The following RCN2 variants were observed in gnomAD, a reference collection of about 807,000 sequenced individuals.
RCN2 encodes the protein reticulocalbin 2.
RCN2 carries 23 observed loss-of-function variants against 37.5 expected under a neutral mutation model. The observed-to-expected ratio is 0.61, with a 90% CI of 0.44 to 0.87. The LOEUF is 0.87. Ranked by LOEUF, RCN2 falls within the 40% of genes least tolerant of loss-of-function variation. The probability of loss-of-function intolerance (pLI) is 0.00; values close to 1 mark genes in which losing one functional copy is unlikely to be tolerated. For missense variants in RCN2, 381 were observed against 390.4 expected (o/e 0.98, Z 0.20); for synonymous variants, 140 against 144.6 (o/e 0.97, Z 0.23).
At position 76,935,587 on chromosome 15, in the gene RCN2, A is replaced by G. The variant is rs1287904205; in HGVS notation, c.312A>G (p.Gln104=). Reference sequence around the variant, plus strand: ...ATTATGCTATGCAAGAAGCAAAACAACAGTTTGTTGAATATGATAAAAACA... The same window carrying G: ...ATTATGCTATGCAAGAAGCAAAACAGCAGTTTGTTGAATATGATAAAAACA... The part of the protein sequence containing the change: ...FKHYAMQEAK[Q]QFVEYDKNSD... The change falls in exon 3 of 7, where the codon CAA becomes CAG. Residue 104 remains glutamine (Q), a synonymous_variant. Coordinates refer to ENST00000394885, the MANE Select transcript of RCN2 (RefSeq NM_002902.3). 6.2e-7 allele frequency: 1 copy of G among 1,613,812 alleles called. No individual in the cohort carries two copies. Among genetic ancestry groups the G allele is most frequent in the Non-Finnish European group, 8.5e-7 (1 of 1,179,764 alleles).
At chr15:76,935,427 A>G in intron 2 of RCN2, 99 bp from the exon 3 acceptor site, 2 of 844,470 alleles carry the variant, frequency 2.4e-6, no homozygotes, top group African/African-American at 1.7e-5. Context: ...GTATTTGCAA[A>G]CATCAAAGAT....
intron 5 of RCN2, 128 bp downstream of exon 5, chr15:76,947,645 T>C: frequency 1.5e-6 from 1 of 650,484 alleles, no homozygotes; most frequent in Non-Finnish European, 2.7e-6. Flanking sequence ...CCTACTTGTT[T>C]CGTTAACTGT....
In RCN2 at chr15:76,943,849, C is replaced by A; in HGVS notation, c.539C>A (p.Pro180His). 6.3e-7 allele frequency: 1 copy of A among 1,598,616 alleles called. No individual in the cohort carries two copies. The highest frequency in any genetic ancestry group is 8.6e-7 in the Non-Finnish European group (1 of 1,167,174). Residue 180 changes from proline to histidine, a missense_variant, in exon 4 of 7, where the codon CCT (proline) becomes CAT (histidine). Pro to His is a moderately conservative substitution (Grantham distance 77). Coordinates refer to ENST00000394885, the MANE Select transcript of RCN2 (RefSeq NM_002902.3). ...SLEEFIAFEHPEEVDYMTEFV... is the reference protein window; with the variant it reads ...SLEEFIAFEHHEEVDYMTEFV... ...GAAGAATTTATTGCTTTTGAGCATCCTGAAGAAGTTGATTATATGACGGTA... is the reference window on the plus strand; with the variant it reads ...GAAGAATTTATTGCTTTTGAGCATCATGAAGAAGTTGATTATATGACGGTA...
At chr15:76,947,624 CTG>C in intron 5 of RCN2, 107 bp downstream of exon 5, 1 of 732,042 alleles carries the variant, frequency 1.4e-6, no homozygotes, top group Non-Finnish European at 2.3e-6. Flanking sequence ...TAATGAGGAT[CTG>C]TGTCTGATCC....
At chr15:76,942,501 A>C (rs921111528) in intron 3 of RCN2, 7 of 152,242 alleles carry the variant, frequency 4.6e-5, no homozygotes, top group African/African-American at 1.7e-4. Context: ...CTGCCGAATC[A>C]TTTTTAAAAA....
chr15:76,932,247 G>A, intron 1 of RCN2, 114 bp from the exon 2 acceptor site: 1 of 836,724 alleles, frequency 1.2e-6, no homozygotes, highest in Non-Finnish European at 1.9e-6. Context: ...GTGCAGGTGC[G>A]GGTCACCCCG....
chr15:76,938,511 CA>C (rs1475602537), intron 3 of RCN2, among the ~76,000 whole-genome samples: 1 of 152,136 alleles, frequency 6.6e-6, no homozygotes, highest in Non-Finnish European at 1.5e-5. Context: ...GTGTACCATT[CA>C]GTAGTGTTAA....
rs2075321039 is a variant in RCN2 at position 76,951,605 on chromosome 15, A to G, written c.*2383A>G. ...GAGAAAAAGAATCATCTGCTTGAAC[A>G]GAGATGCTATATCTACTGCTGAGTC... On this transcript the variant is annotated 3_prime_UTR_variant, in exon 7 of 7. Transcript: ENST00000394885. The G allele has an allele frequency of 6.6e-6, 1 of 152,186 alleles. No individual in the cohort carries two copies. The highest frequency in any genetic ancestry group is 2.1e-4 in the South Asian group (1 of 4,836). 9.4% of individuals were successfully genotyped at this position (152,186 alleles called of 1,614,324 possible).
chr15:76,949,200 A>G lies in RCN2; in HGVS notation c.932A>G (p.Tyr311Cys). The change falls in exon 7 of 7, where the codon TAT becomes TGT. Residue 311 changes from tyrosine (Y) to cysteine (C), a missense_variant. Tyr to Cys is a radical substitution (Grantham distance 194). Coordinates refer to ENST00000394885, the MANE Select transcript of RCN2 (RefSeq NM_002902.3). Reference protein sequence around the residue: ...TDYGRQLHDDYFYHDEL With the variant: ...TDYGRQLHDDCFYHDEL The stretch of plus-strand genomic sequence containing the variant: ...TATGGCAGACAGCTCCATGATGACT[A>G]TTTCTATCATGATGAGCTTTAATCT... The G allele has an allele frequency of 6.2e-7, 1 of 1,610,578 alleles. No homozygotes were observed. The highest frequency in any genetic ancestry group is 8.5e-7 in the Non-Finnish European group (1 of 1,178,614).
chr15:76,948,082 A>G (rs2075303704), intron 5 of RCN2: 3 of 181,922 alleles, frequency 1.6e-5, no homozygotes, highest in East Asian at 1.4e-4. Context: ...CATGTAAGAA[A>G]CTTTGTATAG....
At position 76,948,932 on chromosome 15, in the gene RCN2, G is replaced by A. The variant is rs114965824; in HGVS notation, c.802-138G>A. On this transcript the variant is annotated intron_variant, in intron 6 of 6. Transcript: ENST00000394885. Reference sequence around the variant, plus strand: ...AGCAGTAGACGGACCTGGTTACAACGTGTAACATTTTTAGATACTTAAACA... The same window carrying A: ...AGCAGTAGACGGACCTGGTTACAACATGTAACATTTTTAGATACTTAAACA... The A allele has an allele frequency of 1.0e-3, 786 of 782,274 alleles. 7 individuals carry two copies. The African/African-American group carries it at 0.013, about 13-fold the overall frequency. 48.5% of individuals were successfully genotyped at this position (782,274 alleles called of 1,614,324 possible).
At chr15:76,941,878 G>T in intron 3 of RCN2, 2 of 406,296 alleles carry the variant, frequency 4.9e-6, no homozygotes, top group Non-Finnish European at 8.7e-6. Flanking sequence ...CAAAGTGAAG[G>T]GTTCTTTCAT....
chr15:76,932,434 T>C lies in RCN2; in HGVS notation c.218T>C (p.Ile73Thr). The C allele has an allele frequency of 6.2e-7, 1 of 1,610,304 alleles. No homozygotes were observed. The highest frequency in any genetic ancestry group is 8.5e-7 in the Non-Finnish European group (1 of 1,178,632). ...QKRLQAIIKK[I>T]DLDSDGFLTE... The stretch of plus-strand genomic sequence containing the variant: ...AGACTGCAGGCGATCATAAAGAAAA[T>C]CGACTTGGACTCAGATGGCTTTCTC... The change falls in exon 2 of 7, where the codon ATC (isoleucine) becomes ACC (threonine). Residue 73 changes from isoleucine to threonine, a missense_variant. Physicochemically the swap from Ile to Thr is moderately conservative, Grantham distance 89. Transcript: ENST00000394885.
In RCN2 at chr15:76,931,901, C is replaced by T. The variant is rs1567672; in HGVS notation, c.60C>T (p.Ala20=). ...TGCTGCTGCTGTGCGCCGCCGCGGCCGGCGCCGGCAAGGCCGAGGAGCTGC... is the reference window on the plus strand; with the variant it reads ...TGCTGCTGCTGTGCGCCGCCGCGGCTGGCGCCGGCAAGGCCGAGGAGCTGC... The part of the protein sequence containing the change: ...LGLLLLCAAA[A]GAGKAEELHY... Residue 20 remains alanine, a synonymous_variant, in exon 1 of 7, where the codon GCC becomes GCT. Coordinates refer to ENST00000394885, the MANE Select transcript of RCN2 (RefSeq NM_002902.3). The T allele has an allele frequency of 1.5e-6, 2 of 1,322,002 alleles. No individual in the cohort carries two copies. Among genetic ancestry groups the T allele is most frequent in the Non-Finnish European group, 1.9e-6 (2 of 1,034,642 alleles). 81.9% of individuals were successfully genotyped at this position (1,322,002 alleles called of 1,614,324 possible).
intron 3 of RCN2, 129 bp downstream of exon 3, chr15:76,935,851 C>T: frequency 1.6e-6 from 1 of 617,790 alleles, no homozygotes; most frequent in Non-Finnish European, 2.7e-6. Flanking sequence ...TCACCTGTTC[C>T]ACTTCAGCAG....
At chr15:76,944,417 A>G (rs1478029927) in intron 4 of RCN2, among the ~76,000 whole-genome samples, 1 of 152,170 alleles carries the variant, frequency 6.6e-6, no homozygotes, top group Non-Finnish European at 1.5e-5. Flanking sequence ...ATGTATAATT[A>G]GTTACTACTG....
intron 3 of RCN2, among the ~76,000 whole-genome samples, chr15:76,937,406 C>T (rs1483647407): frequency 6.6e-6 from 1 of 150,402 alleles, no homozygotes; most frequent in African/African-American, 2.4e-5. Flanking sequence ...TTTAAAATTA[C>T]TCCTTTTTTT....
At chr15:76,947,398 C>A in intron 4 of RCN2, 23 bp from the exon 5 acceptor site, 1 of 1,430,156 alleles carries the variant, frequency 7.0e-7, no homozygotes, top group Non-Finnish European at 9.6e-7. Context: ...TTTTTTTTTT[C>A]TTTTTTAATG....
rs777931699 is a variant in RCN2 at position 76,948,410 on chromosome 15, C to T, written c.659C>T (p.Thr220Ile). Residue 220 changes from threonine to isoleucine, a missense_variant and splice_region_variant, in exon 6 of 7, where the codon ACT becomes ATT. Thr to Ile is a moderately conservative substitution (Grantham distance 89, BLOSUM62 -1). Coordinates refer to ENST00000394885, the MANE Select transcript of RCN2 (RefSeq NM_002902.3). ...TATATTTGTGTTTTTTTATATTAAG[C>T]TGCAAATGAAGATCCAGAATGGATA... is the stretch of plus-strand genomic sequence containing the variant. ...EFLGDYRWDP[T>I]ANEDPEWILV... 2.5e-6 allele frequency: 4 copies of T among 1,581,246 alleles called. No individual in the cohort carries two copies. The highest frequency in any genetic ancestry group is 3.4e-6 in the Non-Finnish European group (4 of 1,160,104).
Sources: allele counts gnomAD v4.1 joint callset (sites outside exome capture counted in the v4.1 genomes callset), GRCh38; gene constraint gnomAD v4.1.1; transcripts MANE v1.5; gene names NCBI Gene and HGNC (gene_info 2026-07-23, HGNC 2026-07-21).